Variants in SORCS1 observed in about 807,000 individuals in gnomAD.
SORCS1 encodes the protein sortilin related VPS10 domain containing receptor 1.
Under a neutral mutation model 146.1 loss-of-function variants are expected in SORCS1, and 60 were observed. The observed-to-expected ratio is 0.41, with a 90% CI of 0.33 to 0.51. The LOEUF (loss-of-function observed/expected upper bound fraction) is 0.51, where lower values mean the gene tolerates loss of function less well. Among genes scored for constraint, SORCS1 ranks in the 20% least tolerant of loss-of-function variants. The pLI is 0.21. For synonymous variants in SORCS1, 637 were observed against 584.0 expected (o/e 1.09, Z -1.31); for missense variants, 1,352 against 1,487.6 (o/e 0.91, Z 1.50).
At chr10:107,036,470 C>T (rs1451749797) in intron 1 of SORCS1, among the ~76,000 whole-genome samples, 1 of 152,096 alleles carries the variant, frequency 6.6e-6, no homozygotes, top group Non-Finnish European at 1.5e-5. Context: ...TCTCTATGCT[C>T]CCAGACACAT....
intron 17 of SORCS1, among the ~76,000 whole-genome samples, chr10:106,662,511 C>G (rs1276158697): frequency 1.3e-5 from 2 of 152,134 alleles, no homozygotes; most frequent in Non-Finnish European, 2.9e-5. Context: ...AAGGGGCTCA[C>G]TCTCTGGCCA....
chr10:107,034,246 C>T (rs1034146286), intron 1 of SORCS1, among the ~76,000 whole-genome samples: 1 of 152,124 alleles, frequency 6.6e-6, no homozygotes, highest in African/African-American at 2.4e-5. Flanking sequence ...GAAGGCTAGT[C>T]AGTCAATACA....
intron 1 of SORCS1, among the ~76,000 whole-genome samples, chr10:107,054,007 T>G (rs1010477828): frequency 6.6e-6 from 1 of 152,166 alleles, no homozygotes; most frequent in Non-Finnish European, 1.5e-5. Context: ...CTGGAACCCA[T>G]CCCAAACAGA....
At chr10:106,820,401 TCAAGGAC>T (rs1337741400) in intron 3 of SORCS1, among the ~76,000 whole-genome samples, 1 of 152,076 alleles carries the variant, frequency 6.6e-6, no homozygotes, top group African/African-American at 2.4e-5. Flanking sequence ...ACATTAGAGG[TCAAGGAC>T]CCAGTAAAGT....
intron 18 of SORCS1, among the ~76,000 whole-genome samples, chr10:106,649,155 C>T (rs1471279219): frequency 6.6e-6 from 1 of 152,096 alleles, no homozygotes; most frequent in Non-Finnish European, 1.5e-5. Context: ...GGTAAGAACC[C>T]GGGATACAGA....
chr10:106,791,120 T>G (rs368763784), intron 3 of SORCS1, among the ~76,000 whole-genome samples: 2 of 152,194 alleles, frequency 1.3e-5, no homozygotes, highest in Admixed American at 1.3e-4. Context: ...AAAGAGAAAT[T>G]TATACAGCAA....
intron 2 of SORCS1, among the ~76,000 whole-genome samples, chr10:106,833,984 G>A (rs1452106106): frequency 6.6e-6 from 1 of 152,052 alleles, no homozygotes; most frequent in African/African-American, 2.4e-5. Flanking sequence ...TAGTAGAGAT[G>A]GGGTTTCACC....
chr10:106,659,571 A>T (rs1323555157), intron 17 of SORCS1, among the ~76,000 whole-genome samples: 1 of 152,178 alleles, frequency 6.6e-6, no homozygotes, highest in African/African-American at 2.4e-5. Flanking sequence ...TTAAAGCTTG[A>T]AGGGGTCTCT....
At chr10:106,808,856 C>T (rs1219042523) in intron 3 of SORCS1, among the ~76,000 whole-genome samples, 1 of 152,136 alleles carries the variant, frequency 6.6e-6, no homozygotes, top group African/African-American at 2.4e-5. Flanking sequence ...GTAATCAAAA[C>T]CAGAGGACTC....
chr10:106,837,519 G>A (rs1291267457), intron 2 of SORCS1, among the ~76,000 whole-genome samples: 1 of 150,990 alleles, frequency 6.6e-6, no homozygotes, highest in Non-Finnish European at 1.5e-5. Flanking sequence ...TCAGTTTTGT[G>A]TATTGGCTTT....
At chr10:106,872,325 A>G (rs1369872262) in intron 2 of SORCS1, among the ~76,000 whole-genome samples, 1 of 152,224 alleles carries the variant, frequency 6.6e-6, no homozygotes, top group Non-Finnish European at 1.5e-5. Flanking sequence ...AAGTCAGACC[A>G]AGCTCAGGAT....
At chr10:106,834,988 C>T (rs1007587714) in intron 2 of SORCS1, among the ~76,000 whole-genome samples, 2 of 152,176 alleles carry the variant, frequency 1.3e-5, no homozygotes, top group Non-Finnish European at 2.9e-5. Flanking sequence ...AATCCTTACA[C>T]TACGTTTTTA....
chr10:106,657,203 T>G (rs2135323447), intron 17 of SORCS1, among the ~76,000 whole-genome samples: 1 of 152,266 alleles, frequency 6.6e-6, no homozygotes, highest in East Asian at 1.9e-4. Context: ...TGGAACCAAC[T>G]TAAGTGCCTA....
At chr10:106,586,745 CAA>C (rs907600571) in intron 24 of SORCS1, among the ~76,000 whole-genome samples, 137 of 152,210 alleles carry the variant, frequency 9.0e-4, no homozygotes, top group African/African-American at 3.1e-3. Context: ...CTCCTGAGGC[CAA>C]GAGTTTGAGA....
chr10:106,606,027 C>T (rs1020243110), intron 23 of SORCS1, among the ~76,000 whole-genome samples: 3 of 151,866 alleles, frequency 2.0e-5, no homozygotes, highest in South Asian at 2.1e-4. Context: ...ACTTAGTGGC[C>T]GAGAGGAATC....
chr10:107,121,994 G>C (rs1966439886), intron 1 of SORCS1, among the ~76,000 whole-genome samples: 1 of 152,148 alleles, frequency 6.6e-6, no homozygotes, highest in Non-Finnish European at 1.5e-5. Flanking sequence ...AATTAGTTTG[G>C]TGGACAGGGA....
intron 9 of SORCS1, among the ~76,000 whole-genome samples, chr10:106,692,166 C>T (rs1352202750): frequency 1.3e-5 from 2 of 152,148 alleles, no homozygotes; most frequent in Non-Finnish European, 2.9e-5. Flanking sequence ...CTCAGCCTTC[C>T]AAGTAGCTGA....
At chr10:106,952,368 T>C (rs183039037) in intron 2 of SORCS1, among the ~76,000 whole-genome samples, 1 of 152,006 alleles carries the variant, frequency 6.6e-6, no homozygotes, top group Non-Finnish European at 1.5e-5. Flanking sequence ...AGCAAGGCTG[T>C]GCTAGACAAC....
chr10:106,785,529 C>T (rs1156360576), intron 3 of SORCS1, among the ~76,000 whole-genome samples: 1 of 152,116 alleles, frequency 6.6e-6, no homozygotes, highest in African/African-American at 2.4e-5. Flanking sequence ...TTATAAAGCA[C>T]TCAGAGGGTA....
Sources: gnomAD v4.1 joint callset for allele counts (sites outside exome capture counted in the v4.1 genomes callset) on GRCh38, gnomAD v4.1.1 for gene constraint, MANE v1.5 for transcripts, NCBI Gene and HGNC (gene_info 2026-07-23, HGNC 2026-07-21) for gene names.